Variants in RARS2 observed in about 807,000 individuals in gnomAD.
RARS2 encodes the protein probable arginine--tRNA ligase, mitochondrial.
In RARS2, 67 loss-of-function variants were observed where a neutral mutation model predicts 88.5. The observed-to-expected ratio is 0.76, with a 90% CI of 0.62 to 0.93. The LOEUF is 0.93. Ranked by LOEUF, RARS2 falls within the 40% of genes least tolerant of loss-of-function variation. RARS2 has a pLI of 0.00. For synonymous variants in RARS2, 239 were observed against 230.3 expected, an observed-to-expected ratio of 1.04 and a Z score of -0.34; for missense variants, 664 against 684.2, an observed-to-expected ratio of 0.97 and a Z score of 0.33.
At chr6:87,588,542 T>C (rs1011466669) in intron 1 of RARS2, among the ~76,000 whole-genome samples, 3 of 152,006 alleles carry the variant, frequency 2.0e-5, no homozygotes, top group African/African-American at 7.3e-5. Flanking sequence ...TGGCTACTTT[T>C]TAAAAAAAAT....
rs1562102337 is a variant in RARS2 at position 87,530,918 on chromosome 6, C to T, written c.637G>A (p.Ala213Thr). 3.1e-6 allele frequency: 5 copies of T among 1,614,160 alleles called. No individual in the cohort carries two copies. The highest frequency in any genetic ancestry group is 1.1e-5 in the South Asian group (1 of 91,086). Residue 213 changes from alanine to threonine, a missense_variant, in exon 9 of 20, where the codon GCA becomes ACA. Physicochemically the swap from Ala to Thr is moderately conservative, Grantham distance 58. Coordinates refer to ENST00000369536, the MANE Select transcript of RARS2 (RefSeq NM_020320.5). ...FEVYVQVNKE[A>T]ADDKSVAKAA... The stretch of plus-strand genomic sequence containing the variant: ...TTTGCTACACTTTTATCATCTGCTG[C>T]TTCTTTATTAACTTGTACATAAACC...
At chr6:87,521,948 G>C (rs1773991380) in intron 11 of RARS2, among the ~76,000 whole-genome samples, 1 of 152,136 alleles carries the variant, frequency 6.6e-6, no homozygotes, top group South Asian at 2.1e-4. Context: ...TAGTAAACAG[G>C]TATTGTCTAG....
intron 5 of RARS2, among the ~76,000 whole-genome samples, chr6:87,552,537 G>A (rs1784677384): frequency 6.6e-6 from 1 of 152,118 alleles, no homozygotes; most frequent in Non-Finnish European, 1.5e-5. Flanking sequence ...AAAAAGCTAA[G>A]AGAGGTAAAT....
chr6:87,521,602 G>T, intron 11 of RARS2, 78 bp from the exon 12 acceptor site: 1 of 1,084,564 alleles, frequency 9.2e-7, no homozygotes. Context: ...TAATAGCAAT[G>T]AGCATTTTCT....
chr6:87,539,645 C>T (rs1017371543), intron 8 of RARS2, among the ~76,000 whole-genome samples: 30 of 152,172 alleles, frequency 2.0e-4, no homozygotes, highest in African/African-American at 7.0e-4. Flanking sequence ...AGGTTCCGTT[C>T]CAGCCAATGG....
In RARS2 at chr6:87,576,274, CTTTTTTTT is replaced by C. The variant is rs55999428; in HGVS notation, c.37-6692_37-6685del. Among the ~76,000 whole-genome samples, 20 of 80,790 alleles carry C rather than the reference CTTTTTTTT, an allele frequency of 2.5e-4. 4 individuals are homozygous for C. Among genetic ancestry groups the C allele is most frequent in the African/African-American group, 8.8e-4 (16 of 18,130 alleles). 53.0% of individuals were successfully genotyped at this position (80,790 alleles called of 152,430 possible). On this transcript the variant is annotated intron_variant, in intron 1 of 19. Transcript: ENST00000369536. ...TTACAGGTATAATAAACACAAATTT[CTTTTTTTT>C]TTTTTTTTTTTTGAGACGGAGTCTC... is the stretch of plus-strand genomic sequence containing the variant.
chr6:87,585,303 T>C (rs1774799038), intron 1 of RARS2, among the ~76,000 whole-genome samples: 2 of 152,174 alleles, frequency 1.3e-5, no homozygotes, highest in Non-Finnish European at 1.5e-5. Context: ...TCTGTCTTCA[T>C]GAAGCTTATA....
chr6:87,540,763 C>T (rs1780679774), intron 8 of RARS2, among the ~76,000 whole-genome samples: 1 of 152,044 alleles, frequency 6.6e-6, no homozygotes, highest in African/African-American at 2.4e-5. Context: ...ACAGGAAGGG[C>T]TTTATTAATA....
chr6:87,546,185 C>G (rs1027296033), intron 6 of RARS2, among the ~76,000 whole-genome samples: 4 of 152,178 alleles, frequency 2.6e-5, no homozygotes, highest in African/African-American at 9.7e-5. Context: ...AATCTAAGGC[C>G]TTCACTTTCC....
At position 87,555,338 on chromosome 6, in the gene RARS2, A is replaced by G. The variant is rs1165206752; in HGVS notation, c.395+70T>C. 7.6e-6 allele frequency: 9 copies of G among 1,179,724 alleles called. No individual in the cohort carries two copies. The Admixed American group carries it at 1.2e-4, about 16-fold the overall frequency. The allele number at this position is 1,179,724 out of a possible 1,614,324, so 73.1% of individuals were successfully genotyped here. ...ATGTTATTTATTAAGACCCCCAAAT[A>G]ATGATGGTAATAACACTCCTCTGCC... On this transcript the variant is annotated intron_variant, in intron 5 of 19. Coordinates refer to ENST00000369536, the MANE Select transcript of RARS2 (RefSeq NM_020320.5).
chr6:87,568,471 G>C (rs1434518192), intron 2 of RARS2, among the ~76,000 whole-genome samples: 1 of 152,346 alleles, frequency 6.6e-6, no homozygotes, highest in East Asian at 1.9e-4. Flanking sequence ...CTGCCCTCCA[G>C]CTTGGGTGAC....
intron 7 of RARS2, among the ~76,000 whole-genome samples, chr6:87,542,828 G>A (rs4385279): frequency 6.8e-6 from 1 of 146,744 alleles, no homozygotes; most frequent in Non-Finnish European, 1.5e-5. Context: ...TAGTTGGGAG[G>A]CGGGAGGGAT....
chr6:87,564,958 T>A (rs1410541651), intron 2 of RARS2, among the ~76,000 whole-genome samples: 1 of 151,956 alleles, frequency 6.6e-6, no homozygotes, highest in Non-Finnish European at 1.5e-5. Flanking sequence ...CTCGGGAGGC[T>A]TAGGCACGAG....
intron 5 of RARS2, among the ~76,000 whole-genome samples, chr6:87,549,231 C>T (rs1299447990): frequency 6.6e-6 from 1 of 151,740 alleles, no homozygotes; most frequent in Non-Finnish European, 1.5e-5. Flanking sequence ...TGGTGTATGC[C>T]TGTAATCCCA....
At chr6:87,539,281 C>G (rs1375498770) in intron 8 of RARS2, among the ~76,000 whole-genome samples, 1 of 152,208 alleles carries the variant, frequency 6.6e-6, no homozygotes, top group East Asian at 1.9e-4. Flanking sequence ...AGTAGAGGTT[C>G]CCCTTCAAAG....
chr6:87,556,333 G>A (rs182539159), intron 4 of RARS2, among the ~76,000 whole-genome samples: 7 of 151,996 alleles, frequency 4.6e-5, no homozygotes, highest in Non-Finnish European at 7.4e-5. Context: ...TTTGAGACAG[G>A]CCTTACTCTG....
At position 87,519,801 on chromosome 6, in the gene RARS2, A is replaced by T; in HGVS notation, c.1113-94T>A. ...TCAGAGAGTGGTTTGAACTTTAACC[A>T]TCAGAGCAGAGTTTTTAAAAATTAA... On this transcript the variant is annotated intron_variant, in intron 13 of 19. Transcript: ENST00000369536. 7 of 1,435,628 alleles carry T rather than the reference A, an allele frequency of 4.9e-6. 1 individual carries two copies. In the South Asian group the frequency reaches 8.1e-5, roughly 17 times the overall value. 88.9% of individuals were successfully genotyped at this position (1,435,628 alleles called of 1,614,324 possible).
intron 1 of RARS2, among the ~76,000 whole-genome samples, chr6:87,585,917 G>A (rs1016933333): frequency 2.6e-5 from 4 of 152,034 alleles, no homozygotes; most frequent in African/African-American, 7.3e-5. Context: ...AATAATCTAC[G>A]CAATGGGAAT....
chr6:87,528,556 C>G (rs1229799607), intron 10 of RARS2, among the ~76,000 whole-genome samples: 1 of 152,074 alleles, frequency 6.6e-6, no homozygotes, highest in Non-Finnish European at 1.5e-5. Context: ...TAATATTCAG[C>G]CTTAAAATAA....
Sources: allele counts gnomAD v4.1 joint callset (sites outside exome capture counted in the v4.1 genomes callset), GRCh38; gene constraint gnomAD v4.1.1; transcripts MANE v1.5; gene names NCBI Gene and HGNC (gene_info 2026-07-23, HGNC 2026-07-21).